Variants in RABL3 observed in about 807,000 individuals in gnomAD.
RABL3 encodes the protein RAB, member of RAS oncogene family like 3, also known as rab-like protein 3.
RABL3 carries 31 observed loss-of-function variants against 31.8 expected under a neutral mutation model. That is an observed-to-expected ratio of 0.97 (90% CI 0.73 to 1.31). The LOEUF (loss-of-function observed/expected upper bound fraction) is 1.31, where lower values mean the gene tolerates loss of function less well. Ranked by LOEUF, RABL3 falls within the 40% of genes most tolerant of loss-of-function variation. The pLI is 0.00. For missense variants in RABL3, 263 were observed against 279.6 expected, an observed-to-expected ratio of 0.94 and a Z score of 0.42; for synonymous variants, 97 against 99.9, an observed-to-expected ratio of 0.97 and a Z score of 0.18.
At chr3:120,730,279 C>T (rs1708867110) in intron 2 of RABL3, among the ~76,000 whole-genome samples, 5 of 152,182 alleles carry the variant, frequency 3.3e-5, no homozygotes, top group Admixed American at 3.3e-4. Flanking sequence ...AATTCCTAAA[C>T]ACAAGATGGA....
At chr3:120,690,589 G>C in intron 6 of RABL3, 102 bp from the exon 7 acceptor site, 1 of 785,760 alleles carries the variant, frequency 1.3e-6, no homozygotes, top group Non-Finnish European at 2.2e-6. Context: ...TCCAAACTAA[G>C]AATCTTTTCC....
chr3:120,735,021 T>C (rs1230954569), intron 1 of RABL3, among the ~76,000 whole-genome samples: 3 of 152,226 alleles, frequency 2.0e-5, no homozygotes, highest in Admixed American at 6.5e-5. Context: ...TTGTTGTGTC[T>C]CTGCCAGGCT....
At chr3:120,698,950 G>C (rs752188129) in intron 4 of RABL3, among the ~76,000 whole-genome samples, 1 of 152,204 alleles carries the variant, frequency 6.6e-6, no homozygotes, top group Non-Finnish European at 1.5e-5. Flanking sequence ...TAGAAGCAGA[G>C]AGTGGATTTA....
At chr3:120,717,264 A>C (rs1708681653) in intron 2 of RABL3, among the ~76,000 whole-genome samples, 1 of 131,698 alleles carries the variant, frequency 7.6e-6, no homozygotes, top group African/African-American at 2.6e-5. Context: ...CATCTCAAAA[A>C]AAACAAAAAA....
At chr3:120,709,956 C>CT in intron 2 of RABL3, 47 bp from the exon 3 acceptor site, 1 of 1,384,214 alleles carries the variant, frequency 7.2e-7, no homozygotes, top group Non-Finnish European at 1.0e-6. Flanking sequence ...ACTAAACAAA[C>CT]TAGTAAGTAC....
intron 2 of RABL3, among the ~76,000 whole-genome samples, chr3:120,720,293 G>A (rs1370687942): frequency 6.6e-6 from 1 of 152,204 alleles, no homozygotes; most frequent in African/African-American, 2.4e-5. Context: ...CTCCTCCAAA[G>A]GAACGCAGCT....
intron 5 of RABL3, among the ~76,000 whole-genome samples, chr3:120,697,425 C>T (rs1001480608): frequency 6.6e-6 from 1 of 152,150 alleles, no homozygotes; most frequent in Non-Finnish European, 1.5e-5. Flanking sequence ...GTTTTCAACC[C>T]GTAAGTGCTC....
chr3:120,702,800 G>T (rs961062251), intron 4 of RABL3, among the ~76,000 whole-genome samples: 1 of 152,002 alleles, frequency 6.6e-6, no homozygotes, highest in African/African-American at 2.4e-5. Context: ...CTCATGATCC[G>T]CCCGCCTTGG....
intron 6 of RABL3, among the ~76,000 whole-genome samples, chr3:120,692,016 G>A (rs1416988859): frequency 6.6e-6 from 1 of 152,150 alleles, no homozygotes. Context: ...TACCCCAGAG[G>A]TAGAAAAGTT....
intron 1 of RABL3, among the ~76,000 whole-genome samples, chr3:120,739,343 C>T (rs1419849160): frequency 6.6e-6 from 1 of 151,884 alleles, no homozygotes; most frequent in Non-Finnish European, 1.5e-5. Flanking sequence ...CGCCACTGCA[C>T]TCCAGCCTGG....
At chr3:120,739,558 G>T (rs1412433309) in intron 1 of RABL3, among the ~76,000 whole-genome samples, 1 of 151,906 alleles carries the variant, frequency 6.6e-6, no homozygotes, top group Non-Finnish European at 1.5e-5. Context: ...TAATTTATAT[G>T]AGCTCTTTAT....
intron 1 of RABL3, among the ~76,000 whole-genome samples, chr3:120,741,539 A>G (rs1001372615): frequency 1.3e-5 from 2 of 152,176 alleles, no homozygotes; most frequent in Non-Finnish European, 2.9e-5. Context: ...GCATTTATTG[A>G]AGTTACTAAG....
In RABL3 at chr3:120,733,341, T is replaced by G. The variant is rs112815848; in HGVS notation, c.47-2554A>C. Among the ~76,000 whole-genome samples the G allele has an allele frequency of 5.6e-3, 855 of 152,284 alleles. 11 individuals are homozygous for G. The highest frequency in any genetic ancestry group is 0.02 in the African/African-American group (825 of 41,582). Reference sequence around the variant, plus strand: ...ATGATGAGCATTTTTTCATGTGTCTTTTGGCTGCATAAATGTCTTCTTTTG... The same window carrying G: ...ATGATGAGCATTTTTTCATGTGTCTGTTGGCTGCATAAATGTCTTCTTTTG... On this transcript the variant is annotated intron_variant, in intron 1 of 7. Transcript: ENST00000273375.
chr3:120,715,206 T>C (rs1470769734), intron 2 of RABL3, among the ~76,000 whole-genome samples: 3 of 152,200 alleles, frequency 2.0e-5, no homozygotes, highest in East Asian at 1.9e-4. Flanking sequence ...TTGTTTTCTA[T>C]ATCAGTGCTG....
chr3:120,690,445 C>T lies in RABL3; in HGVS notation c.645+4G>A, dbSNP rs1390177370. The T allele has an allele frequency of 2.6e-6, 4 of 1,567,552 alleles. No homozygotes were observed. The highest frequency in any genetic ancestry group is 1.8e-6 in the Non-Finnish European group (2 of 1,138,570). ...TCTATTTTATCAAGAAAAGAGATACCAACCTGATTACCTTCTCTTAAAAAG... is the reference window on the plus strand; with the variant it reads ...TCTATTTTATCAAGAAAAGAGATACTAACCTGATTACCTTCTCTTAAAAAG... On this transcript the variant is annotated splice_donor_region_variant and intron_variant, in intron 7 of 7. Coordinates refer to ENST00000273375, the MANE Select transcript of RABL3 (RefSeq NM_173825.5).
chr3:120,705,899 A>C, intron 4 of RABL3, 101 bp downstream of exon 4: 5 of 763,366 alleles, frequency 6.5e-6, no homozygotes. Context: ...ATACACTGAA[A>C]GAAAAATCTT....
intron 5 of RABL3, among the ~76,000 whole-genome samples, chr3:120,697,898 G>T (rs1329024210): frequency 6.6e-6 from 1 of 152,166 alleles, no homozygotes; most frequent in East Asian, 1.9e-4. Context: ...AGGTGCAGTG[G>T]CTCGCGCCTG....
intron 1 of RABL3, among the ~76,000 whole-genome samples, chr3:120,735,983 A>G (rs1185018203): frequency 2.0e-5 from 3 of 152,166 alleles, no homozygotes; most frequent in Non-Finnish European, 4.4e-5. Context: ...CAGTTTTGCA[A>G]TAAGTGTGAT....
At position 120,713,081 on chromosome 3, in the gene RABL3, G is replaced by A. The variant is rs536889617; in HGVS notation, c.139-3172C>T. On this transcript the variant is annotated intron_variant, in intron 2 of 7. Transcript: ENST00000273375. ...AGTACCTAATGTTGCCTCCTCTAAA[G>A]GACTATAACTCCTCTGAGAATAGCC... Among the ~76,000 whole-genome samples, 36 of 151,908 alleles carry A rather than the reference G, an allele frequency of 2.4e-4. 2 individuals are homozygous for A. The South Asian group carries it at 4.2e-3, about 18-fold the overall frequency.
Sources: allele counts gnomAD v4.1 joint callset (sites outside exome capture counted in the v4.1 genomes callset), GRCh38; gene constraint gnomAD v4.1.1; transcripts MANE v1.5; gene names NCBI Gene and HGNC (gene_info 2026-07-23, HGNC 2026-07-21).